Variants in SRP68 observed in about 807,000 individuals in gnomAD.
The protein encoded by SRP68 is signal recognition particle subunit SRP68.
Under a neutral mutation model 82.2 loss-of-function variants are expected in SRP68, and 15 were observed. That is an observed-to-expected ratio of 0.18 (90% confidence interval 0.12 to 0.28). SRP68 has a LOEUF of 0.28. Ranked by LOEUF, SRP68 falls within the 10% of genes least tolerant of loss-of-function variation. The pLI is 1.00. For synonymous variants in SRP68, 261 were observed against 292.6 expected (o/e 0.89, Z 1.10); for missense variants, 595 against 780.5 (o/e 0.76, Z 2.83).
At chr17:76,055,470 T>C (rs939569523) in intron 8 of SRP68, among the ~76,000 whole-genome samples, 1 of 151,378 alleles carries the variant, frequency 6.6e-6, no homozygotes, top group Non-Finnish European at 1.5e-5. Context: ...TAAAACATCA[T>C]GTGGGCCCGG....
intron 12 of SRP68, among the ~76,000 whole-genome samples, chr17:76,044,160 G>A (rs991139184): frequency 6.6e-6 from 1 of 152,192 alleles, no homozygotes; most frequent in Non-Finnish European, 1.5e-5. Context: ...GAGATGCCCA[G>A]GTAGGCCCAA....
In SRP68 at chr17:76,043,841, C is replaced by A; in HGVS notation, c.1512G>T (p.Lys504Asn). 3 of 1,603,410 alleles carry A rather than the reference C, an allele frequency of 1.9e-6. No individual in the cohort carries two copies. Among genetic ancestry groups the A allele is most frequent in the South Asian group, 1.1e-5 (1 of 88,916 alleles). ...NEVNSDAGAF[K>N]NSLKDLPDVQ... is the part of the protein sequence containing the mutation. ...GCCAACCTCTCACCTTTAGGCTGTT[C>A]TTGAAGGCGCCAGCATCAGAATTTA... is the stretch of plus-strand genomic sequence containing the variant. The change falls in exon 13 of 16, where the codon AAG (lysine) becomes AAT (asparagine). Residue 504 changes from lysine to asparagine, a missense_variant. Lys to Asn is a moderately conservative substitution (Grantham distance 94). This residue lies in a region of SRP68 where 495 missense variants were observed against 688.6 expected (regional missense o/e 0.72). Transcript: ENST00000307877.
In SRP68 at chr17:76,045,186, C is replaced by G; in HGVS notation, c.1394+106G>C. ...TTCCTCTGATCACAGGCAAGGTAAC[C>G]ATACACTCAAGGCCAACGGTCCCAT... is the stretch of plus-strand genomic sequence containing the variant. On this transcript the variant is annotated intron_variant, in intron 12 of 15. Coordinates refer to ENST00000307877, the MANE Select transcript of SRP68 (RefSeq NM_014230.4). The G allele has an allele frequency of 6.1e-6, 5 of 817,344 alleles. No homozygotes were observed. The South Asian group carries it at 8.0e-5, about 13-fold the overall frequency. 50.6% of individuals were successfully genotyped at this position (817,344 alleles called of 1,614,324 possible).
chr17:76,043,808 A>T (rs1301150752), intron 13 of SRP68, 21 bp downstream of exon 13: 1 of 1,574,224 alleles, frequency 6.4e-7, no homozygotes, highest in African/African-American at 1.4e-5. Flanking sequence ...GCTTGCAAAC[A>T]AGGAGAGGCC....
chr17:76,040,447 G>T lies in SRP68; in HGVS notation c.1628C>A (p.Thr543Asn). 1 of 1,614,140 alleles carries T rather than the reference G, an allele frequency of 6.2e-7. No individual in the cohort carries two copies. Among genetic ancestry groups the T allele is most frequent in the South Asian group, 1.1e-5 (1 of 91,082 alleles). ...LDANDAHQTE[T>N]SSSQVKDNKP... ...ATTGTCCTTGACTTGGGAGGAGGAGGTCTCTGTTTGATGAGCGTCGTTTGC... is the reference window on the plus strand; with the variant it reads ...ATTGTCCTTGACTTGGGAGGAGGAGTTCTCTGTTTGATGAGCGTCGTTTGC... The change falls in exon 15 of 16, where the codon ACC becomes AAC. Residue 543 changes from threonine to asparagine, a missense_variant. By Grantham distance (65) the Thr-to-Asn change is moderately conservative. Transcript: ENST00000307877.
chr17:76,042,426 GGC>G (rs1335704098), intron 13 of SRP68, among the ~76,000 whole-genome samples: 1 of 151,412 alleles, frequency 6.6e-6, no homozygotes, highest in East Asian at 2.0e-4. Context: ...AAACCAGCCT[GGC>G]CAACATGGTG....
At chr17:76,067,373 G>T in intron 2 of SRP68, 43 bp from the exon 3 acceptor site, 1 of 1,424,222 alleles carries the variant, frequency 7.0e-7, no homozygotes, top group Non-Finnish European at 9.9e-7. Context: ...CAAGCTGAGA[G>T]TATTTTGAAT....
At chr17:76,040,558 C>A (rs1309856745) in intron 14 of SRP68, 84 bp from the exon 15 acceptor site, 2 of 1,383,772 alleles carry the variant, frequency 1.4e-6, no homozygotes, top group Admixed American at 1.7e-5. Flanking sequence ...ACAGGTGGCC[C>A]CTACATCCCA....
intron 8 of SRP68, among the ~76,000 whole-genome samples, chr17:76,056,407 C>T (rs8071975): frequency 0.4 from 61,188 of 152,070 alleles, 12,520 homozygotes; most frequent in Admixed American, 0.53. Flanking sequence ...TAGCACCATA[C>T]AACAGTGCCA....
intron 1 of SRP68, 26 bp from the exon 2 acceptor site, chr17:76,070,470 T>C (rs752782631): frequency 1.3e-6 from 2 of 1,594,788 alleles, no homozygotes; most frequent in Admixed American, 1.7e-5. Context: ...AGGAAAATCT[T>C]ACCATAGCAA....
intron 8 of SRP68, among the ~76,000 whole-genome samples, chr17:76,051,775 C>T (rs530407983): frequency 1.3e-5 from 2 of 152,294 alleles, no homozygotes; most frequent in South Asian, 2.1e-4. Context: ...AAAGCAAACA[C>T]GGCCACCATT....
rs1322205570 is a variant in SRP68, at chr17:76,071,727, C to T, written c.184+581G>A. On this transcript the variant is annotated intron_variant, in intron 1 of 15. Transcript: ENST00000307877. The surrounding 1 kb of genome is among the most constrained non-coding windows in gnomAD (Gnocchi z 4.7). ...ATACACACTGATGGAAACTAGAAAC[C>T]GATTCCTCCAGCTTATATGAATGAC... Among the ~76,000 whole-genome samples, 1 of 152,130 alleles carries T rather than the reference C, an allele frequency of 6.6e-6. No homozygotes were observed. Among genetic ancestry groups the T allele is most frequent in the Non-Finnish European group, 1.5e-5 (1 of 68,030 alleles).
chr17:76,052,873 C>A (rs1184508134), intron 8 of SRP68, among the ~76,000 whole-genome samples: 1 of 148,984 alleles, frequency 6.7e-6, no homozygotes, highest in Non-Finnish European at 1.5e-5. Context: ...CACATATATA[C>A]CTATATAACA....
chr17:76,040,311 G>T (rs867086161), intron 15 of SRP68, 108 bp downstream of exon 15: 12 of 1,069,484 alleles, frequency 1.1e-5, no homozygotes, highest in Middle Eastern at 2.0e-4. Flanking sequence ...GGAGGGAGGT[G>T]GGGGGTTTCC....
chr17:76,060,466 A>T, intron 6 of SRP68, 76 bp from the exon 7 acceptor site: 1 of 1,033,448 alleles, frequency 9.7e-7, no homozygotes. Flanking sequence ...ACTCAGACTT[A>T]AAGAGCTCTT....
chr17:76,070,530 C>T, intron 1 of SRP68, 86 bp from the exon 2 acceptor site: 1 of 1,132,572 alleles, frequency 8.8e-7, no homozygotes, highest in Non-Finnish European at 1.3e-6. Context: ...CTGTGTCAAA[C>T]CACAACACAT....
intron 12 of SRP68, chr17:76,044,871 G>A (rs1372837839): frequency 6.5e-6 from 1 of 152,960 alleles, no homozygotes; most frequent in Non-Finnish European, 1.5e-5. Flanking sequence ...GGCTCCCAAG[G>A]AGCTGGGTTT....
rs1297382144 is a variant in SRP68, at chr17:76,063,981, C to T, written c.556G>A (p.Ala186Thr). Reference sequence around the variant, plus strand: ...CTGAATGTTGAGGTACTAACCTGAGCCTCTAATTTGGTCTTGGCATCCACG... The same window carrying T: ...CTGAATGTTGAGGTACTAACCTGAGTCTCTAATTTGGTCTTGGCATCCACG... The part of the protein sequence containing the change: ...NRVDAKTKLE[A>T]QAYTAYLSGM... The change falls in exon 4 of 16, where the codon GCT (alanine) becomes ACT (threonine). Residue 186 changes from alanine (A) to threonine (T), a missense_variant. Transcript: ENST00000307877. The T allele has an allele frequency of 1.2e-6, 2 of 1,613,098 alleles. No individual in the cohort carries two copies. The highest frequency in any genetic ancestry group is 2.7e-5 in the African/African-American group (2 of 74,900).
At position 76,064,995 on chromosome 17, in the gene SRP68, C is replaced by T. The variant is rs138261817; in HGVS notation, c.366-824G>A. On this transcript the variant is annotated intron_variant, in intron 3 of 15. Coordinates refer to ENST00000307877, the MANE Select transcript of SRP68 (RefSeq NM_014230.4). ...CGCACCGCTCTCCCATGTAGTAATA[C>T]AAATAACACATTTAGACCAGAACCT... Among the ~76,000 whole-genome samples, 165 of 152,252 alleles carry T rather than the reference C, an allele frequency of 1.1e-3. 1 individual carries two copies. In the Middle Eastern group the frequency reaches 0.014, roughly 13 times the overall value.
Sources: allele counts gnomAD v4.1 joint callset (sites outside exome capture counted in the v4.1 genomes callset), GRCh38; gene constraint gnomAD v4.1.1; regional missense constraint gnomAD v4.1.1; non-coding constraint Gnocchi (gnomAD v3.1); transcripts MANE v1.5; gene names NCBI Gene and HGNC (gene_info 2026-07-23, HGNC 2026-07-21).